The following PARP10 variants were observed in gnomAD, a reference collection of about 807,000 sequenced individuals.
PARP10 encodes protein mono-ADP-ribosyltransferase PARP10.
A neutral mutation model predicts 82.4 loss-of-function variants in PARP10; 56 were observed. The observed-to-expected ratio is 0.68, with a 90% CI of 0.55 to 0.85. PARP10 has a LOEUF of 0.85. Ranked by LOEUF, PARP10 falls within the 40% of genes least tolerant of loss-of-function variation. PARP10 has a pLI of 0.00. For missense variants in PARP10, 1,227 were observed against 1,379.4 expected (o/e 0.89, Z 1.75); for synonymous variants, 576 against 601.1 (o/e 0.96, Z 0.61).
intron 1 of PARP10, among the ~76,000 whole-genome samples, chr8:144,007,736 G>A (rs552192956): frequency 3.3e-5 from 5 of 152,264 alleles, no homozygotes; most frequent in African/African-American, 4.8e-5. Context: ...GGTGAGGCTA[G>A]AGGCGAGAAG....
upstream of PARP10, chr8:143,991,486 G>T (rs1334673572): frequency 6.6e-7 from 1 of 1,524,814 alleles, no homozygotes; most frequent in Non-Finnish European, 8.8e-7. Context: ...CCACAAGAGG[G>T]CTACCCACAG....
At chr8:143,983,889 T>G in intron 7 of PARP10, 78 bp from the exon 8 acceptor site, 1 of 1,513,494 alleles carries the variant, frequency 6.6e-7, no homozygotes, top group East Asian at 2.3e-5. Context: ...GGGAGCAAGT[T>G]TTTAGGGTAC....
chr8:143,995,579 T>C (rs1251781964), upstream of PARP10, among the ~76,000 whole-genome samples: 2 of 152,054 alleles, frequency 1.3e-5, no homozygotes, highest in Non-Finnish European at 2.9e-5. Flanking sequence ...ACCACACTGA[T>C]TCTTCAGGTA....
upstream of PARP10, chr8:143,991,836 C>A (rs67714660): frequency 4.9e-4 from 792 of 1,607,192 alleles, 2 homozygotes; most frequent in Middle Eastern, 3.5e-3. Context: ...GCGGTGGGGG[C>A]TGTGGCTCCC....
chr8:144,002,379 T>C (rs1283938447), intron 1 of PARP10, among the ~76,000 whole-genome samples: 2 of 151,996 alleles, frequency 1.3e-5, no homozygotes, highest in Non-Finnish European at 2.9e-5. Context: ...TGAGACCCTA[T>C]CTCCAGAAAA....
chr8:143,983,083 G>A lies in PARP10; in HGVS notation c.2423-18C>T. On this transcript the variant is annotated intron_variant, in intron 8 of 10. Transcript: ENST00000313028. Reference sequence around the variant, plus strand: ...CCCCGCCACTGATGCATGGGGAAAAGCGGGGGGTCAGAGCCATGCCTGGGG... The same window carrying A: ...CCCCGCCACTGATGCATGGGGAAAAACGGGGGGTCAGAGCCATGCCTGGGG... The A allele has an allele frequency of 6.2e-7, 1 of 1,613,924 alleles. No individual in the cohort carries two copies. Among genetic ancestry groups the A allele is most frequent in the Non-Finnish European group, 8.5e-7 (1 of 1,179,986 alleles).
chr8:143,994,226 C>T (rs1403890759), upstream of PARP10, among the ~76,000 whole-genome samples: 1 of 152,224 alleles, frequency 6.6e-6, no homozygotes, highest in Non-Finnish European at 1.5e-5. Flanking sequence ...GAAGCCAGCA[C>T]CACCCTGATG....
upstream of PARP10, chr8:143,992,546 T>C (rs782793258): frequency 1.9e-6 from 3 of 1,614,172 alleles, no homozygotes. Context: ...TCTCTGCATC[T>C]TCATCCGGAA....
intron 1 of PARP10, among the ~76,000 whole-genome samples, chr8:144,010,227 T>A (rs1402283501): frequency 6.6e-6 from 1 of 152,224 alleles, no homozygotes; most frequent in Admixed American, 6.5e-5. Context: ...CATTTATATA[T>A]GATCATTCAA....
chr8:143,995,104 A>G (rs144646662), upstream of PARP10, among the ~76,000 whole-genome samples: 121 of 152,246 alleles, frequency 7.9e-4, 1 homozygote, highest in African/African-American at 2.8e-3. Flanking sequence ...GGTGTGGGAC[A>G]GGGCCAGGGG....
At chr8:144,003,968 G>A (rs535355247) in intron 1 of PARP10, among the ~76,000 whole-genome samples, 3 of 152,108 alleles carry the variant, frequency 2.0e-5, no homozygotes, top group African/African-American at 4.8e-5. Context: ...CTGGGAGGCC[G>A]AGGCTGCAGT....
At chr8:143,987,859 C>T (rs1834018902), upstream of PARP10, among the ~76,000 whole-genome samples, 2 of 151,888 alleles carry the variant, frequency 1.3e-5, no homozygotes. Flanking sequence ...CCACTGCACT[C>T]CAACCAAGGT....
chr8:143,998,749 C>A (rs1322144565), intron 1 of PARP10, among the ~76,000 whole-genome samples: 1 of 151,990 alleles, frequency 6.6e-6, no homozygotes, highest in African/African-American at 2.4e-5. Flanking sequence ...CAGGAGTTTG[C>A]GACCAGCTTG....
chr8:143,983,733 T>G lies in PARP10; in HGVS notation c.1856A>C (p.Glu619Ala). ...CTCTGGCTGCTCCTGAGGCCCTTCCTCCTCCAGCTCCCGAGGCAGCCAGTC... is the reference window on the plus strand; with the variant it reads ...CTCTGGCTGCTCCTGAGGCCCTTCCGCCTCCAGCTCCCGAGGCAGCCAGTC... ...GEDWLPRELE[E>A]EGPQEQPEEE... Residue 619 changes from glutamate (E) to alanine (A), a missense_variant, in exon 8 of 11, where the codon GAG (glutamate) becomes GCG (alanine). By Grantham distance (107) the Glu-to-Ala change is moderately radical (BLOSUM62 -1). Coordinates refer to ENST00000313028, the MANE Select transcript of PARP10 (RefSeq NM_032789.5). 6.2e-7 allele frequency: 1 copy of G among 1,611,874 alleles called. No homozygotes were observed.
upstream of PARP10, chr8:143,992,383 C>G: frequency 1.2e-6 from 2 of 1,607,396 alleles, no homozygotes; most frequent in Non-Finnish European, 1.7e-6. Context: ...GGTGAGGGGC[C>G]TCCCGTGGCT....
chr8:143,992,940 C>T (rs1386736278), upstream of PARP10: 9 of 995,194 alleles, frequency 9.0e-6, no homozygotes, highest in Non-Finnish European at 1.3e-5. Flanking sequence ...TCTCTTGTCC[C>T]CAGGCACAGC....
At chr8:143,996,806 G>A (rs1449162860) in intron 1 of PARP10, among the ~76,000 whole-genome samples, 4 of 152,308 alleles carry the variant, frequency 2.6e-5, no homozygotes, top group South Asian at 2.1e-4. Flanking sequence ...AGGAGAGGAC[G>A]CATGGGAGAC....
upstream of PARP10, chr8:143,991,386 C>A: frequency 8.4e-7 from 1 of 1,188,950 alleles, no homozygotes; most frequent in Non-Finnish European, 1.2e-6. Context: ...CTACGGTCAG[C>A]CAGGGTACCC....
At chr8:143,992,688 C>T (rs782642122), upstream of PARP10, 1 of 1,613,930 alleles carries the variant, frequency 6.2e-7, no homozygotes, top group Non-Finnish European at 8.5e-7. Flanking sequence ...GCTGTCACCT[C>T]CAGTTCCTCG....
Sources: allele counts gnomAD v4.1 joint callset (sites outside exome capture counted in the v4.1 genomes callset), GRCh38; gene constraint gnomAD v4.1.1; transcripts MANE v1.5; gene names NCBI Gene and HGNC (gene_info 2026-07-23, HGNC 2026-07-21).